The following UBE2G2 variants were observed in gnomAD, a reference collection of about 807,000 sequenced individuals.
UBE2G2 encodes ubiquitin conjugating enzyme E2 G2.
In UBE2G2, 10 loss-of-function variants were observed where a neutral mutation model predicts 23.0. The observed-to-expected ratio is 0.43, with a 90% CI of 0.27 to 0.74. The LOEUF (loss-of-function observed/expected upper bound fraction) is 0.74. Among genes scored for constraint, UBE2G2 ranks in the 30% least tolerant of loss-of-function variants. UBE2G2 has a pLI of 0.19. For synonymous variants in UBE2G2, 86 were observed against 81.3 expected (o/e 1.06, Z -0.31); for missense variants, 150 against 218.3 (o/e 0.69, Z 1.97).
chr21:44,770,348 C>T lies in UBE2G2; in HGVS notation c.*1029G>A, dbSNP rs2082863495. On this transcript the variant is annotated 3_prime_UTR_variant, in exon 6 of 6. Coordinates refer to ENST00000345496, the MANE Select transcript of UBE2G2 (RefSeq NM_003343.6). ...ACCTGCTCTAGTAATGCACTAGTTACTAATATACAAACGTAAATCTTTGAT... is the reference window on the plus strand; with the variant it reads ...ACCTGCTCTAGTAATGCACTAGTTATTAATATACAAACGTAAATCTTTGAT... The T allele has an allele frequency of 6.6e-6, 1 of 152,190 alleles. No individual in the cohort carries two copies. The highest frequency in any genetic ancestry group is 1.5e-5 in the Non-Finnish European group (1 of 68,034). 9.4% of individuals were successfully genotyped at this position (152,190 alleles called of 1,614,324 possible).
intron 1 of UBE2G2, among the ~76,000 whole-genome samples, chr21:44,792,126 G>T (rs1193068067): frequency 6.6e-6 from 1 of 152,190 alleles, no homozygotes; most frequent in Non-Finnish European, 1.5e-5. Context: ...TAACTAACTT[G>T]CTTTTGATTT....
intron 1 of UBE2G2, chr21:44,800,994 G>C (rs1361958651): frequency 6.6e-6 from 1 of 152,154 alleles, no homozygotes; most frequent in Non-Finnish European, 1.5e-5. Flanking sequence ...GCTCTTAGCC[G>C]GCTACTATCT....
chr21:44,786,350 A>G (rs971129871), intron 3 of UBE2G2, among the ~76,000 whole-genome samples: 1 of 152,208 alleles, frequency 6.6e-6, no homozygotes, highest in Non-Finnish European at 1.5e-5. Flanking sequence ...CATCCATCTC[A>G]TAACTGCCTT....
At position 44,770,758 on chromosome 21, in the gene UBE2G2, T is replaced by G. The variant is rs1375486620; in HGVS notation, c.*619A>C. The G allele has an allele frequency of 6.6e-6, 1 of 152,256 alleles. No homozygotes were observed. The highest frequency in any genetic ancestry group is 2.4e-5 in the African/African-American group (1 of 41,464). 9.4% of individuals were successfully genotyped at this position (152,256 alleles called of 1,614,324 possible). On this transcript the variant is annotated 3_prime_UTR_variant, in exon 6 of 6. Coordinates refer to ENST00000345496, the MANE Select transcript of UBE2G2 (RefSeq NM_003343.6). ...CTTTTCTATTTACCCCATTTCTTATTAATTCACACTTCAAAAAAGCATTTC... is the reference window on the plus strand; with the variant it reads ...CTTTTCTATTTACCCCATTTCTTATGAATTCACACTTCAAAAAAGCATTTC...
chr21:44,785,250 C>T (rs782090911), intron 3 of UBE2G2, among the ~76,000 whole-genome samples: 2 of 152,244 alleles, frequency 1.3e-5, no homozygotes, highest in African/African-American at 2.4e-5. Context: ...ATCCCAGCCA[C>T]GCTCGATTTG....
chr21:44,800,012 T>A (rs1363041267), intron 1 of UBE2G2: 1 of 152,220 alleles, frequency 6.6e-6, no homozygotes, highest in Non-Finnish European at 1.5e-5. Context: ...CAACATTTAT[T>A]AGGACTACCA....
In UBE2G2 at chr21:44,792,506, T is replaced by C. The variant is rs139572074; in HGVS notation, c.44-4411A>G. Reference sequence around the variant, plus strand: ...TGGCAAGTTCTTCCTTGGCTTGCTCTTCTCTCTCCTACCGCCTTGAGAAGA... The same window carrying C: ...TGGCAAGTTCTTCCTTGGCTTGCTCCTCTCTCTCCTACCGCCTTGAGAAGA... On this transcript the variant is annotated intron_variant, in intron 1 of 5. Coordinates refer to ENST00000345496, the MANE Select transcript of UBE2G2 (RefSeq NM_003343.6). 6.6e-3 allele frequency among the ~76,000 whole-genome samples: 1,006 copies of C among 152,320 alleles called. 4 individuals are homozygous for C. The highest frequency in any genetic ancestry group is 0.014 in the South Asian group (67 of 4,828).
In UBE2G2 at chr21:44,768,762, T is replaced by C. The variant is rs1261550951; in HGVS notation, c.*2615A>G. ...AGCCTGCTGGCTTCTAGTGGTCAAA[T>C]GTGCCACTCACACAATGGCATCTGC... On this transcript the variant is annotated 3_prime_UTR_variant, in exon 6 of 6. Transcript: ENST00000345496. 6.6e-6 allele frequency: 1 copy of C among 152,242 alleles called. No individual in the cohort carries two copies. The highest frequency in any genetic ancestry group is 2.4e-5 in the African/African-American group (1 of 41,458). The allele number at this position is 152,242 out of a possible 1,614,324, so 9.4% of individuals were successfully genotyped here.
chr21:44,796,938 C>T (rs145301795), intron 1 of UBE2G2, among the ~76,000 whole-genome samples: 1 of 152,296 alleles, frequency 6.6e-6, no homozygotes, highest in Non-Finnish European at 1.5e-5. Flanking sequence ...CTCTGACCAC[C>T]CCCATCCTGC....
intron 3 of UBE2G2, among the ~76,000 whole-genome samples, chr21:44,786,194 G>A (rs1158509096): frequency 2.6e-5 from 4 of 151,930 alleles, no homozygotes; most frequent in Non-Finnish European, 4.4e-5. Flanking sequence ...GTGCAGGTGC[G>A]CCTGCATTAA....
intron 1 of UBE2G2, among the ~76,000 whole-genome samples, chr21:44,797,400 G>T (rs1188678166): frequency 6.6e-6 from 1 of 152,156 alleles, no homozygotes; most frequent in African/African-American, 2.4e-5. Flanking sequence ...TCCTATGCAG[G>T]GGTTTAATGA....
intron 4 of UBE2G2, chr21:44,775,493 C>G (rs1347698901): frequency 2.0e-5 from 3 of 152,046 alleles, no homozygotes; most frequent in African/African-American, 7.3e-5. Flanking sequence ...ATTGGTAGAC[C>G]TATAGTTCTC....
Position 44,771,297 on chromosome 21 carries a change from G to C in UBE2G2, c.*80C>G. 4 of 1,337,342 alleles carry C rather than the reference G, an allele frequency of 3.0e-6. No homozygotes were observed. Among genetic ancestry groups the C allele is most frequent in the Non-Finnish European group, 4.3e-6 (4 of 940,998 alleles). The allele number at this position is 1,337,342 out of a possible 1,614,324, so 82.8% of individuals were successfully genotyped here. On this transcript the variant is annotated 3_prime_UTR_variant, in exon 6 of 6. Transcript: ENST00000345496. This position sits in a 1 kb window ranked among gnomAD's most constrained non-coding sequence, Gnocchi z 4.6. ...GTCTGCCTTGTTTGGTACCAGCACA[G>C]AGCATCACTGTCACTAAGTGTGCCG...
At chr21:44,791,705 C>T (rs1427716060) in intron 1 of UBE2G2, among the ~76,000 whole-genome samples, 1 of 152,230 alleles carries the variant, frequency 6.6e-6, no homozygotes, top group African/African-American at 2.4e-5. Flanking sequence ...TTGGAGCTCC[C>T]AGAGTCCCCA....
At chr21:44,779,445 C>T (rs1234449979) in intron 3 of UBE2G2, among the ~76,000 whole-genome samples, 2 of 151,924 alleles carry the variant, frequency 1.3e-5, no homozygotes, top group African/African-American at 4.8e-5. Context: ...GAGGGAGGCA[C>T]GAGCATGAGC....
chr21:44,780,454 G>C (rs980288813), intron 3 of UBE2G2, among the ~76,000 whole-genome samples: 5 of 152,176 alleles, frequency 3.3e-5, no homozygotes, highest in Non-Finnish European at 7.3e-5. Context: ...ACAACAACAA[G>C]GAGGACACAA....
At chr21:44,799,912 T>A (rs1181339376) in intron 1 of UBE2G2, 2 of 152,228 alleles carry the variant, frequency 1.3e-5, no homozygotes, top group African/African-American at 4.8e-5. Context: ...ACTGTACAGT[T>A]ACTATTGGCC....
At chr21:44,780,524 GA>G (rs1164962993) in intron 3 of UBE2G2, among the ~76,000 whole-genome samples, 1 of 152,192 alleles carries the variant, frequency 6.6e-6, no homozygotes, top group African/African-American at 2.4e-5. Flanking sequence ...CTTATTGATT[GA>G]AATCATGACC....
chr21:44,786,403 G>A (rs907777788), intron 3 of UBE2G2, among the ~76,000 whole-genome samples: 1 of 152,116 alleles, frequency 6.6e-6, no homozygotes, highest in Non-Finnish European at 1.5e-5. Flanking sequence ...GAAACCTTCA[G>A]ACACCGAAAA....
Sources: allele counts gnomAD v4.1 joint callset (sites outside exome capture counted in the v4.1 genomes callset), GRCh38; gene constraint gnomAD v4.1.1; non-coding constraint Gnocchi (gnomAD v3.1); transcripts MANE v1.5; gene names NCBI Gene and HGNC (gene_info 2026-07-23, HGNC 2026-07-21).